The following RBBP6 variants were observed in gnomAD, a reference collection of about 807,000 sequenced individuals.
The protein encoded by RBBP6 is RB binding protein 6, ubiquitin ligase, also known as E3 ubiquitin-protein ligase RBBP6.
RBBP6 carries 25 observed loss-of-function variants against 167.7 expected under a neutral mutation model. The ratio of observed to expected loss-of-function variants is 0.15; its 90% CI spans 0.11 to 0.21. The LOEUF (loss-of-function observed/expected upper bound fraction) is 0.21. Ranked by LOEUF, RBBP6 falls within the 10% of genes least tolerant of loss-of-function variation. The probability of loss-of-function intolerance (pLI) is 1.00; values close to 1 mark genes in which losing one functional copy is unlikely to be tolerated. For missense variants in RBBP6, 1,868 were observed against 2,134.2 expected, an observed-to-expected ratio of 0.88 and a Z score of 2.46; for synonymous variants, 789 against 735.8, an observed-to-expected ratio of 1.07 and a Z score of -1.17.
chr16:24,549,004 A>G (rs1345661645), intron 3 of RBBP6, 23 bp downstream of exon 3: 6 of 1,608,736 alleles, frequency 3.7e-6, no homozygotes, highest in Non-Finnish European at 5.1e-6. Context: ...ACAATCTCAC[A>G]CTTTTTCTAC....
At chr16:24,557,915 G>A (rs1898958102) in intron 7 of RBBP6, among the ~76,000 whole-genome samples, 1 of 152,122 alleles carries the variant, frequency 6.6e-6, no homozygotes, top group African/African-American at 2.4e-5. Context: ...AGATAAGAAT[G>A]TTTTCCTAAA....
At chr16:24,553,015 T>G (rs1898835570) in intron 3 of RBBP6, 1 of 152,008 alleles carries the variant, frequency 6.6e-6, no homozygotes, top group Non-Finnish European at 1.5e-5. Flanking sequence ...TAAACAAACT[T>G]ACTCAGACTG....
intron 1 of RBBP6, among the ~76,000 whole-genome samples, chr16:24,545,414 C>T (rs1898619578): frequency 1.3e-5 from 2 of 152,176 alleles, no homozygotes; most frequent in South Asian, 2.1e-4. Flanking sequence ...AATCACTTTG[C>T]TTAAAATCCT....
chr16:24,561,647 A>C lies in RBBP6; in HGVS notation c.883A>C (p.Thr295Pro). 3 of 1,614,134 alleles carry C rather than the reference A, an allele frequency of 1.9e-6. No homozygotes were observed. The highest frequency in any genetic ancestry group is 2.5e-6 in the Non-Finnish European group (3 of 1,179,998). Residue 295 changes from threonine to proline, a missense_variant, in exon 9 of 18, where the codon ACA (threonine) becomes CCA (proline). Thr to Pro is a conservative substitution (Grantham distance 38). Around this residue, in one of 7 missense-constraint regions of RBBP6, gnomAD observed 11 missense variants for 69.7 expected, o/e 0.16. Transcript: ENST00000319715. ...AGCACTCCTGGAATCAGATGAGCAC[A>C]CATGTCCGACGTGTCATCAAAATGA... is the stretch of plus-strand genomic sequence containing the variant. The part of the protein sequence containing the change: ...RTALLESDEH[T>P]CPTCHQNDVS...
chr16:24,541,282 CATTT>C (rs146184840), intron 1 of RBBP6, among the ~76,000 whole-genome samples: 159 of 151,710 alleles, frequency 1.0e-3, no homozygotes, highest in African/African-American at 3.5e-3. Flanking sequence ...TCCCTCCTCG[CATTT>C]ATTTATTTGG....
Position 24,569,068 on chromosome 16 carries a change from G to A in RBBP6, c.2378G>A (p.Arg793His), listed in dbSNP as rs371006887. The change falls in exon 17 of 18, where the codon CGT (arginine) becomes CAT (histidine). Residue 793 changes from arginine to histidine, a missense_variant. Physicochemically the swap from Arg to His is conservative, Grantham distance 29. This residue lies in a region of RBBP6 where 673 missense variants were observed against 691.5 expected (regional missense o/e 0.97). Transcript: ENST00000319715. ...AATGTACCTCAAGGGGAAACAGAAC[G>A]TGAATATTTTAATAGATACAGAGAA... ...KRNVPQGETE[R>H]EYFNRYREVP... is the part of the protein sequence containing the mutation. 2.5e-4 allele frequency: 399 copies of A among 1,613,950 alleles called. No homozygotes were observed. The highest frequency in any genetic ancestry group is 3.2e-4 in the Non-Finnish European group (374 of 1,179,990).
rs1898436527 is a variant in RBBP6 at position 24,539,838 on chromosome 16, C to G, written c.-789C>G. 1 of 152,288 alleles carries G rather than the reference C, an allele frequency of 6.6e-6. No individual in the cohort carries two copies. The highest frequency in any genetic ancestry group is 2.4e-5 in the African/African-American group (1 of 41,456). 9.4% of individuals were successfully genotyped at this position (152,288 alleles called of 1,614,324 possible). On this transcript the variant is annotated 5_prime_UTR_variant, in exon 1 of 18. Coordinates refer to ENST00000319715, the MANE Select transcript of RBBP6 (RefSeq NM_006910.5). The stretch of plus-strand genomic sequence containing the variant: ...TGTCCCCGGGGTCCGCCGAAGCCAC[C>G]CGGCCGCCGGCTGGGGCCCGGGGTG...
Position 24,568,811 on chromosome 16 carries a change from T to C in RBBP6, c.2121T>C (p.Ser707=). The C allele has an allele frequency of 6.2e-7, 1 of 1,614,268 alleles. No homozygotes were observed. Among genetic ancestry groups the C allele is most frequent in the Non-Finnish European group, 8.5e-7 (1 of 1,180,044 alleles). ...RSSYTYSKSR[S]GSTRSRSYSR... ...CATATACTTATTCTAAATCAAGATC[T>C]GGTTCAACACGTTCACGCTCTTATT... The change falls in exon 17 of 18, where the codon TCT becomes TCC. Residue 707 remains serine (S), a synonymous_variant. Coordinates refer to ENST00000319715, the MANE Select transcript of RBBP6 (RefSeq NM_006910.5).
chr16:24,567,539 T>C (rs748587980), intron 15 of RBBP6, 34 bp downstream of exon 15: 2 of 1,549,752 alleles, frequency 1.3e-6, no homozygotes, highest in South Asian at 1.2e-5. Context: ...TTATACACTT[T>C]TTTCATTTTC....
At chr16:24,556,234 A>AC (rs2141465794) in intron 6 of RBBP6, 74 bp from the exon 7 acceptor site, 2 of 1,241,800 alleles carry the variant, frequency 1.6e-6, no homozygotes, top group South Asian at 2.7e-5. Flanking sequence ...AGCACTGTAT[A>AC]ACATTAGCTA....
At chr16:24,551,107 GTTC>G (rs1244428990) in intron 3 of RBBP6, among the ~76,000 whole-genome samples, 1 of 151,812 alleles carries the variant, frequency 6.6e-6, no homozygotes, top group African/African-American at 2.4e-5. Flanking sequence ...AAAGCTGGAT[GTTC>G]TTCTTGCTAA....
At chr16:24,551,693 T>TAAGTTTTTTAGTTCCAGTGGTA (rs1898800270) in intron 3 of RBBP6, among the ~76,000 whole-genome samples, 1 of 151,706 alleles carries the variant, frequency 6.6e-6, no homozygotes, top group Non-Finnish European at 1.5e-5. Context: ...TTTTTATTCT[T>TAAGTTTTTTAGTTCCAGTGGTA]AAGTTTTTTA....
intron 7 of RBBP6, 127 bp downstream of exon 7, chr16:24,556,574 C>G: frequency 9.4e-7 from 1 of 1,060,586 alleles, no homozygotes; most frequent in Non-Finnish European, 1.3e-6. Context: ...AGCCATTAGT[C>G]TCTACATCTT....
chr16:24,548,347 G>A (rs912147292), intron 2 of RBBP6, among the ~76,000 whole-genome samples: 2 of 146,058 alleles, frequency 1.4e-5, no homozygotes, highest in Non-Finnish European at 3.0e-5. Context: ...TTTAAGAGAT[G>A]GGGTCACTAT....
chr16:24,564,680 G>C lies in RBBP6; in HGVS notation c.1521-117G>C, dbSNP rs190212924. The C allele has an allele frequency of 3.1e-6, 4 of 1,298,490 alleles. No homozygotes were observed. The African/African-American group carries it at 6.0e-5, about 20-fold the overall frequency. 80.4% of individuals were successfully genotyped at this position (1,298,490 alleles called of 1,614,324 possible). ...ATCCGAAACAAATTTAAGAACTGGG[G>C]AGTAGGAAAAAGTTTTCAGAGTAGT... is the stretch of plus-strand genomic sequence containing the variant. On this transcript the variant is annotated intron_variant, in intron 13 of 17. Transcript: ENST00000319715.
intron 3 of RBBP6, among the ~76,000 whole-genome samples, chr16:24,549,657 T>TG (rs924362739): frequency 3.3e-5 from 5 of 151,984 alleles, no homozygotes; most frequent in African/African-American, 9.7e-5. Context: ...AACCTGAACC[T>TG]GGGGCCCCCT....
intron 4 of RBBP6, chr16:24,554,521 G>T (rs1386456766): frequency 6.6e-6 from 1 of 151,938 alleles, no homozygotes; most frequent in African/African-American, 2.4e-5. Flanking sequence ...GTAACAAATT[G>T]CTTTTTAAGC....
intron 1 of RBBP6, among the ~76,000 whole-genome samples, chr16:24,542,267 A>G (rs1898519451): frequency 6.6e-6 from 1 of 152,318 alleles, no homozygotes; most frequent in Admixed American, 6.5e-5. Flanking sequence ...TGGGTTTATA[A>G]GAAGTTTGGG....
intron 16 of RBBP6, among the ~76,000 whole-genome samples, chr16:24,568,260 A>C (rs1323839552): frequency 1.3e-5 from 2 of 152,254 alleles, no homozygotes; most frequent in Non-Finnish European, 2.9e-5. Context: ...CTGCGTAATT[A>C]TGAAGTAGTA....
Sources: allele counts gnomAD v4.1 joint callset (sites outside exome capture counted in the v4.1 genomes callset), GRCh38; gene constraint gnomAD v4.1.1; regional missense constraint gnomAD v4.1.1; transcripts MANE v1.5; gene names NCBI Gene and HGNC (gene_info 2026-07-23, HGNC 2026-07-21).